The following ATP11C variants were observed in gnomAD, a reference collection of about 807,000 sequenced individuals.
ATP11C encodes ATPase phospholipid transporting 11C (ATP11C blood group), also known as phospholipid-transporting ATPase IG.
ATP11C carries 36 observed loss-of-function variants against 97.4 expected under a neutral mutation model. The ratio of observed to expected loss-of-function variants is 0.37; its 90% CI spans 0.28 to 0.49. ATP11C has a LOEUF of 0.49. ATP11C is among the 20% of genes least tolerant of loss of function. The pLI, the probability that ATP11C is intolerant of heterozygous loss-of-function variation, is 0.98. For missense variants in ATP11C, 730 were observed against 824.6 expected (o/e 0.89, Z 1.40); for synonymous variants, 275 against 290.9 (o/e 0.95, Z 0.56).
chrX:139,758,541 C>A (rs1407104607), intron 22 of ATP11C, among the ~76,000 whole-genome samples: 3 of 111,448 alleles, frequency 2.7e-5, no homozygotes, highest in Non-Finnish European at 3.8e-5. Flanking sequence ...TCCTAAGGGA[C>A]TTATTATTTA....
chrX:139,796,916 A>AG (rs973275653), intron 11 of ATP11C, among the ~76,000 whole-genome samples: 3 of 110,363 alleles, frequency 2.7e-5, no homozygotes, highest in African/African-American at 9.8e-5. Flanking sequence ...CTAAAGTAAA[A>AG]GAAAAAAAAC....
At chrX:139,906,213 C>A (rs2084972602) in intron 1 of ATP11C, among the ~76,000 whole-genome samples, 1 of 106,670 alleles carries the variant, frequency 9.4e-6, no homozygotes, top group Non-Finnish European at 1.9e-5. Flanking sequence ...AGCTTGAGCC[C>A]AGGAGTTCAA....
In ATP11C at chrX:139,804,561, A is replaced by C; in HGVS notation, c.465T>G (p.Phe155Leu). The change falls in exon 6 of 30, where the codon TTT (phenylalanine) becomes TTG (leucine). Residue 155 changes from phenylalanine (F) to leucine (L), a missense_variant. Coordinates refer to ENST00000682941, the MANE Select transcript of ATP11C (RefSeq NM_001353812.2). ...DVVEVQADET[F>L]PCDLILLSSC... Reference sequence around the variant, plus strand: ...ATGATAGAAGAATAAGATCACAGGGAAAGGTTTCATCTGCCTGTACTTCTA... The same window carrying C: ...ATGATAGAAGAATAAGATCACAGGGCAAGGTTTCATCTGCCTGTACTTCTA... 8.3e-7 allele frequency: 1 copy of C among 1,199,429 alleles called. No homozygotes were observed. Among genetic ancestry groups the C allele is most frequent in the Non-Finnish European group, 1.1e-6 (1 of 886,280 alleles).
At chrX:139,767,841 G>C (rs779443263) in intron 20 of ATP11C, among the ~76,000 whole-genome samples, 10 of 112,066 alleles carry the variant, frequency 8.9e-5, no homozygotes, top group African/African-American at 2.6e-4. Context: ...GGATATAACT[G>C]ATGGTGTCAA....
chrX:139,916,918 G>C (rs1316586888), intron 1 of ATP11C, among the ~76,000 whole-genome samples: 2 of 111,319 alleles, frequency 1.8e-5, no homozygotes, highest in Non-Finnish European at 3.8e-5. Flanking sequence ...CGTAAAGACA[G>C]ACACACAGGC....
intron 2 of ATP11C, among the ~76,000 whole-genome samples, chrX:139,825,686 T>C (rs1331094087): frequency 3.6e-5 from 4 of 112,528 alleles, no homozygotes; most frequent in Non-Finnish European, 7.5e-5. Flanking sequence ...ATTAAATGCA[T>C]ATTTGAAAAC....
chrX:139,756,653 A>T (rs961491311), intron 23 of ATP11C, among the ~76,000 whole-genome samples: 11 of 111,659 alleles, frequency 9.9e-5, no homozygotes, highest in African/African-American at 3.6e-4. Flanking sequence ...AAAAAATAAG[A>T]TCATGTCATT....
intron 1 of ATP11C, among the ~76,000 whole-genome samples, chrX:139,857,361 GAATT>G (rs905411721): frequency 1.8e-5 from 2 of 111,833 alleles, no homozygotes; most frequent in African/African-American, 3.2e-5. Context: ...TCTTTTCAAA[GAATT>G]AATATGTCAG....
intron 5 of ATP11C, among the ~76,000 whole-genome samples, chrX:139,809,300 A>G (rs2083115549): frequency 1.8e-5 from 2 of 111,756 alleles, no homozygotes; most frequent in Admixed American, 1.9e-4. Context: ...GGATCAACAA[A>G]CTGTTATATA....
chrX:139,859,876 C>T (rs1246415016), intron 1 of ATP11C, among the ~76,000 whole-genome samples: 9 of 97,387 alleles, frequency 9.2e-5, no homozygotes, highest in East Asian at 3.4e-4. Flanking sequence ...CCGAGGCGGG[C>T]GGATCACGAG....
chrX:139,926,646 A>C (rs1326732943), intron 1 of ATP11C, among the ~76,000 whole-genome samples: 1 of 112,582 alleles, frequency 8.9e-6, no homozygotes, highest in Non-Finnish European at 1.9e-5. Context: ...AATTAGGAAC[A>C]CTGGAAACTA....
chrX:139,819,292 G>T, intron 3 of ATP11C, 46 bp downstream of exon 3: 1 of 591,082 alleles, frequency 1.7e-6, no homozygotes, highest in Non-Finnish European at 2.6e-6. Flanking sequence ...TTCGTTTAAA[G>T]CAATCAAGTT....
chrX:139,888,695 TA>T (rs1271394980), intron 1 of ATP11C, among the ~76,000 whole-genome samples: 1 of 111,177 alleles, frequency 9.0e-6, no homozygotes, highest in Non-Finnish European at 1.9e-5. Flanking sequence ...GATATAAAGT[TA>T]AATACATAGT....
Position 139,743,600 on chromosome X carries a change from T to C in ATP11C, c.2989A>G (p.Thr997Ala). 1 of 1,172,652 alleles carries C rather than the reference T, an allele frequency of 8.5e-7. No individual in the cohort carries two copies. The highest frequency in any genetic ancestry group is 1.2e-6 in the Non-Finnish European group (1 of 868,817). Reference protein sequence around the residue: ...GKVYGNWTFGTIVFTVLVFTV... With the variant: ...GKVYGNWTFGAIVFTVLVFTV... ...AATACTAAGACTGTAAAAACAATGG[T>C]TCCAAAAGTCCAGTTTCCGTATACC... The change falls in exon 26 of 30, where the codon ACC (threonine) becomes GCC (alanine). Residue 997 changes from threonine (T) to alanine (A), a missense_variant. Transcript: ENST00000682941.
At chrX:139,738,827 G>A (rs1384074339) in intron 27 of ATP11C, among the ~76,000 whole-genome samples, 2 of 110,357 alleles carry the variant, frequency 1.8e-5, no homozygotes, top group Non-Finnish European at 3.8e-5. Flanking sequence ...CTTTGAAGGT[G>A]AGGGGGAAGA....
At chrX:139,757,052 G>A (rs753650555) in intron 23 of ATP11C, among the ~76,000 whole-genome samples, 2 of 107,188 alleles carry the variant, frequency 1.9e-5, no homozygotes, top group Non-Finnish European at 3.8e-5. Flanking sequence ...GAATACATAA[G>A]TGTATTCATA....
intron 5 of ATP11C, among the ~76,000 whole-genome samples, chrX:139,804,857 G>A (rs747227989): frequency 2.7e-5 from 3 of 109,900 alleles, no homozygotes; most frequent in Non-Finnish European, 3.8e-5. Flanking sequence ...TCTGACATCC[G>A]TTTGCTCTCT....
chrX:139,857,175 A>G (rs1311838679), intron 1 of ATP11C, among the ~76,000 whole-genome samples: 2 of 111,769 alleles, frequency 1.8e-5, no homozygotes, highest in African/African-American at 3.3e-5. Flanking sequence ...GTTGATGCAG[A>G]GGCTCATAAA....
chrX:139,906,901 G>A (rs1057288809), intron 1 of ATP11C, among the ~76,000 whole-genome samples: 3 of 111,453 alleles, frequency 2.7e-5, no homozygotes, highest in African/African-American at 9.8e-5. Context: ...ACTTTCTGAT[G>A]GGGTCTGATA....
Sources: allele counts gnomAD v4.1 joint callset (sites outside exome capture counted in the v4.1 genomes callset), GRCh38; gene constraint gnomAD v4.1.1; transcripts MANE v1.5; gene names NCBI Gene and HGNC (gene_info 2026-07-23, HGNC 2026-07-21).